Variants in C10orf90 observed in about 807,000 individuals in gnomAD.
The protein encoded by C10orf90 is (E2-independent) E3 ubiquitin-conjugating enzyme FATS.
A neutral mutation model predicts 62.5 loss-of-function variants in C10orf90; 56 were observed. That is an observed-to-expected ratio of 0.90 (90% CI 0.72 to 1.12). The LOEUF (loss-of-function observed/expected upper bound fraction) is 1.12. C10orf90 is among the 50% of genes most tolerant of loss of function. The pLI, the probability that C10orf90 is intolerant of heterozygous loss-of-function variation, is 0.00. For synonymous variants in C10orf90, 386 were observed against 340.4 expected, an observed-to-expected ratio of 1.13 and a Z score of -1.47; for missense variants, 970 against 880.4, an observed-to-expected ratio of 1.10 and a Z score of -1.29.
At chr10:126,509,038 C>A (rs1351979420) in intron 3 of C10orf90, among the ~76,000 whole-genome samples, 1 of 152,188 alleles carries the variant, frequency 6.6e-6, no homozygotes, top group Admixed American at 6.5e-5. Context: ...TGAGGGGCTG[C>A]AGGCCGGTAC....
intron 2 of C10orf90, among the ~76,000 whole-genome samples, chr10:126,631,775 T>C (rs976532892): frequency 4.0e-5 from 6 of 151,340 alleles, no homozygotes; most frequent in Non-Finnish European, 5.9e-5. Flanking sequence ...ACAGGCAGCA[T>C]AAACACCAAG....
At chr10:126,540,207 A>G (rs75401341) in intron 2 of C10orf90, among the ~76,000 whole-genome samples, 3,444 of 152,336 alleles carry the variant, frequency 0.023, 77 homozygotes, top group African/African-American at 0.049. Context: ...TGGAGGAAAT[A>G]AAAGGAGAAC....
intron 4 of C10orf90, among the ~76,000 whole-genome samples, chr10:126,483,179 C>A (rs915868728): frequency 3.9e-5 from 6 of 152,342 alleles, no homozygotes; most frequent in African/African-American, 9.6e-5. Flanking sequence ...CTGAACCAGG[C>A]AGGAACAGAA....
intron 7 of C10orf90, 96 bp from the exon 8 acceptor site, chr10:126,429,946 C>T (rs867054656): frequency 3.8e-5 from 41 of 1,092,984 alleles, no homozygotes; most frequent in Middle Eastern, 4.0e-4. Context: ...GTTAATTGAT[C>T]CTTATTCTAA....
At chr10:126,442,144 T>C (rs1028289153) in intron 7 of C10orf90, among the ~76,000 whole-genome samples, 6 of 152,000 alleles carry the variant, frequency 3.9e-5, no homozygotes, top group African/African-American at 1.4e-4. Context: ...GCCAACCATC[T>C]GCTGCCTTCA....
At chr10:126,613,591 A>C (rs1046785695) in intron 2 of C10orf90, among the ~76,000 whole-genome samples, 2 of 152,314 alleles carry the variant, frequency 1.3e-5, no homozygotes, top group African/African-American at 2.4e-5. Flanking sequence ...TGCAATTACC[A>C]ATTCAAATCT....
At chr10:126,652,741 A>G (rs1174433055) in intron 1 of C10orf90, among the ~76,000 whole-genome samples, 1 of 152,206 alleles carries the variant, frequency 6.6e-6, no homozygotes, top group African/African-American at 2.4e-5. Context: ...CATGTTAAAT[A>G]CCCAGTTACC....
intron 4 of C10orf90, among the ~76,000 whole-genome samples, chr10:126,487,156 A>AAAAAAAAAAAAAAAAAAAAAAAAC (rs1861483218): frequency 6.7e-6 from 1 of 149,908 alleles, no homozygotes; most frequent in Non-Finnish European, 1.5e-5. Flanking sequence ...AAAAAAAAAA[A>AAAAAAAAAAAAAAAAAAAAAAAAC]AAAAAAAAAA....
chr10:126,639,911 T>G, intron 2 of C10orf90, among the ~76,000 whole-genome samples: 1 of 152,140 alleles, frequency 6.6e-6, no homozygotes, highest in Non-Finnish European at 1.5e-5. Flanking sequence ...GCAGCAAAAT[T>G]GGGGGTCAAG....
At chr10:126,669,663 CTTTGACAT>C (rs1342905799) in intron 1 of C10orf90, among the ~76,000 whole-genome samples, 4 of 150,284 alleles carry the variant, frequency 2.7e-5, no homozygotes, top group Non-Finnish European at 4.4e-5. Context: ...GTTTATCTCA[CTTTGACAT>C]TTTAAATCTC....
At chr10:126,454,175 A>G (rs1590930766) in intron 7 of C10orf90, among the ~76,000 whole-genome samples, 1 of 152,150 alleles carries the variant, frequency 6.6e-6, no homozygotes, top group African/African-American at 2.4e-5. Context: ...CTGTATCCTT[A>G]CTGCCTGCAG....
intron 5 of C10orf90, among the ~76,000 whole-genome samples, chr10:126,461,787 C>T (rs1859996822): frequency 6.6e-6 from 1 of 152,140 alleles, no homozygotes; most frequent in South Asian, 2.1e-4. Context: ...TGCATTCAGC[C>T]AGACTTCAGG....
chr10:126,487,002 G>T (rs112367032), intron 4 of C10orf90, among the ~76,000 whole-genome samples: 1 of 151,724 alleles, frequency 6.6e-6, no homozygotes, highest in African/African-American at 2.4e-5. Context: ...AAAAGTAGCT[G>T]GGTGTGGTGG....
At position 126,564,866 on chromosome 10, in the gene C10orf90, TTA is replaced by T. The variant is rs373529421; in HGVS notation, c.314-50929_314-50928del. On this transcript the variant is annotated intron_variant, in intron 2 of 9. Coordinates refer to ENST00000488181, the MANE Select transcript of C10orf90 (RefSeq NM_001350921.2). ...TATTATATATTATATAAAATATATA[TTA>T]TATATAATATATAAAATATATTATA... Among the ~76,000 whole-genome samples the T allele has an allele frequency of 8.7e-4, 3 of 3,432 alleles. 1 individual carries two copies. The highest frequency in any genetic ancestry group is 2.0e-3 in the African/African-American group (3 of 1,520). 2.3% of individuals were successfully genotyped at this position (3,432 alleles called of 152,430 possible). A position where few individuals can be genotyped will look rare whatever the true frequency, so the allele number is the denominator to read the frequency against.
At chr10:126,531,113 G>A (rs1221989413) in intron 2 of C10orf90, among the ~76,000 whole-genome samples, 18 of 151,468 alleles carry the variant, frequency 1.2e-4, no homozygotes, top group African/African-American at 4.4e-4. Context: ...GGCAGAAGTT[G>A]CAGTGAGCTG....
At chr10:126,579,275 CTTTT>C (rs35287358) in intron 2 of C10orf90, among the ~76,000 whole-genome samples, 54,466 of 124,262 alleles carry the variant, frequency 0.44, 10,788 homozygotes, top group Middle Eastern at 0.53. Context: ...TTCTTTCTTT[CTTTT>C]TTTTTTTTTT....
chr10:126,570,869 G>GA (rs538509321), intron 2 of C10orf90, among the ~76,000 whole-genome samples: 2 of 151,390 alleles, frequency 1.3e-5, no homozygotes, highest in Non-Finnish European at 2.9e-5. Flanking sequence ...TCATTTAAAA[G>GA]AAAAAAAAGT....
intron 2 of C10orf90, among the ~76,000 whole-genome samples, chr10:126,616,504 G>A (rs1845544865): frequency 6.6e-6 from 1 of 152,190 alleles, no homozygotes; most frequent in African/African-American, 2.4e-5. Flanking sequence ...TCAGCAGGAG[G>A]TGGAATGTGA....
At chr10:126,438,192 C>A (rs1372566457) in intron 7 of C10orf90, among the ~76,000 whole-genome samples, 1 of 152,282 alleles carries the variant, frequency 6.6e-6, no homozygotes, top group African/African-American at 2.4e-5. Context: ...TGCACCCAAC[C>A]CTACTGCCCA....
Sources: allele counts gnomAD v4.1 joint callset (sites outside exome capture counted in the v4.1 genomes callset), GRCh38; gene constraint gnomAD v4.1.1; transcripts MANE v1.5; gene names NCBI Gene and HGNC (gene_info 2026-07-23, HGNC 2026-07-21).